CHRM3: variants seen among roughly 807,000 people sequenced by gnomAD.
The protein encoded by CHRM3 is cholinergic receptor muscarinic 3, also known as muscarinic acetylcholine receptor M3.
A neutral mutation model predicts 41.8 loss-of-function variants in CHRM3; 11 were observed. The observed-to-expected ratio is 0.26, with a 90% CI of 0.17 to 0.44. The LOEUF (loss-of-function observed/expected upper bound fraction) is 0.44, where lower values mean the gene tolerates loss of function less well. Ranked by LOEUF, CHRM3 falls within the 20% of genes least tolerant of loss-of-function variation. The probability of loss-of-function intolerance (pLI) is 1.00; values close to 1 mark genes in which losing one functional copy is unlikely to be tolerated. For synonymous variants in CHRM3, 297 were observed against 301.4 expected, an observed-to-expected ratio of 0.99 and a Z score of 0.15; for missense variants, 571 against 745.4, an observed-to-expected ratio of 0.77 and a Z score of 2.72.
rs1268338908 is a variant in CHRM3, at chr1:239,403,889, G to A, written c.-521+16662G>A. 4.2e-5 allele frequency among the ~76,000 whole-genome samples: 6 copies of A among 142,128 alleles called. No individual in the cohort carries two copies. The South Asian group carries it at 1.4e-3, about 34-fold the overall frequency. The allele number at this position is 142,128 out of a possible 152,430, so 93.2% of individuals were successfully genotyped here. ...CATTCTAAACACTGTACCTTAGATAGTACTTCTGCTTGCTAAATTTTAAGA... is the reference window on the plus strand; with the variant it reads ...CATTCTAAACACTGTACCTTAGATAATACTTCTGCTTGCTAAATTTTAAGA... On this transcript the variant is annotated intron_variant, in intron 1 of 6. Coordinates refer to ENST00000676153, the MANE Select transcript of CHRM3 (RefSeq NM_001375978.1).
rs1672534450 is a variant in CHRM3 at position 239,827,306 on chromosome 1, CG to C, written c.-89del. 1.3e-5 allele frequency: 2 copies of C among 152,144 alleles called. No individual in the cohort carries two copies. Among genetic ancestry groups the C allele is most frequent in the African/African-American group, 4.8e-5 (2 of 41,412 alleles). 9.4% of individuals were successfully genotyped at this position (152,144 alleles called of 1,614,324 possible). The stretch of plus-strand genomic sequence containing the variant: ...TCTGGTCCACTCCTCTGTCCTATGC[CG>C]GGATCATCATGACCGTAGAGATTAT... On this transcript the variant is annotated 5_prime_UTR_variant, in exon 6 of 7. An upstream open reading frame in the 5' UTR loses its in-frame stop. Transcript: ENST00000676153.
intron 5 of CHRM3, among the ~76,000 whole-genome samples, chr1:239,680,802 A>G (rs1254501060): frequency 6.6e-6 from 1 of 151,836 alleles, no homozygotes; most frequent in Non-Finnish European, 1.5e-5. Context: ...CCACTAATGA[A>G]TAACATTTTA....
intron 5 of CHRM3, among the ~76,000 whole-genome samples, chr1:239,797,527 T>C (rs569572232): frequency 4.6e-5 from 7 of 152,148 alleles, no homozygotes; most frequent in Non-Finnish European, 7.3e-5. Flanking sequence ...AATGACTTTA[T>C]GTGTTTGATG....
chr1:239,891,579 G>T (rs763652094), intron 6 of CHRM3, among the ~76,000 whole-genome samples: 1 of 152,238 alleles, frequency 6.6e-6, no homozygotes, highest in South Asian at 2.1e-4. Flanking sequence ...TATTTAATAA[G>T]CTATGGGAAG....
intron 2 of CHRM3, among the ~76,000 whole-genome samples, chr1:239,538,577 A>T (rs1442000614): frequency 6.6e-6 from 1 of 152,216 alleles, no homozygotes; most frequent in Non-Finnish European, 1.5e-5. Context: ...TATATATTTT[A>T]AAAATCTACT....
rs148844378 is a variant in CHRM3, at chr1:239,828,866, T to C, written c.-20+1488T>C. Among the ~76,000 whole-genome samples the C allele has an allele frequency of 7.9e-5, 12 of 152,232 alleles. No homozygotes were observed. In the East Asian group the frequency reaches 1.4e-3, roughly 17 times the overall value. ...ATAGCGGATGGGAGGAGATCTAAGA[T>C]GAACAAAGGAAATCACTTCAGAGAC... is the stretch of plus-strand genomic sequence containing the variant. On this transcript the variant is annotated intron_variant, in intron 6 of 6. Transcript: ENST00000676153.
chr1:239,675,390 G>A (rs1019908304), intron 4 of CHRM3, among the ~76,000 whole-genome samples: 2 of 151,998 alleles, frequency 1.3e-5, no homozygotes, highest in South Asian at 2.1e-4. Flanking sequence ...TCTATTTGTT[G>A]CATCCTACCC....
intron 6 of CHRM3, among the ~76,000 whole-genome samples, chr1:239,885,092 T>A (rs1282952014): frequency 6.6e-6 from 1 of 152,110 alleles, no homozygotes; most frequent in Non-Finnish European, 1.5e-5. Flanking sequence ...CTAGAGCTCA[T>A]TGGAGAAATT....
intron 5 of CHRM3, among the ~76,000 whole-genome samples, chr1:239,731,667 A>G (rs1342045731): frequency 6.6e-6 from 1 of 152,006 alleles, no homozygotes; most frequent in East Asian, 1.9e-4. Flanking sequence ...ACTTTCTAGT[A>G]CAAATCTTCC....
At chr1:239,599,571 A>G (rs1202260929) in intron 3 of CHRM3, among the ~76,000 whole-genome samples, 1 of 152,058 alleles carries the variant, frequency 6.6e-6, no homozygotes, top group South Asian at 2.1e-4. Context: ...TGTGTTTCAT[A>G]ACTTAGGGTA....
At chr1:239,582,336 C>G (rs1342327334) in intron 3 of CHRM3, among the ~76,000 whole-genome samples, 7 of 152,084 alleles carry the variant, frequency 4.6e-5, no homozygotes, top group Admixed American at 2.6e-4. Flanking sequence ...AAAAAAGAAT[C>G]TTCTTTATAT....
chr1:239,456,326 T>A (rs1252694556), intron 1 of CHRM3, among the ~76,000 whole-genome samples: 1 of 152,150 alleles, frequency 6.6e-6, no homozygotes, highest in South Asian at 2.1e-4. Flanking sequence ...GGTAAACCGT[T>A]TTTTATCTTT....
chr1:239,666,278 T>C (rs997426634), intron 4 of CHRM3, among the ~76,000 whole-genome samples: 1 of 151,588 alleles, frequency 6.6e-6, no homozygotes, highest in Non-Finnish European at 1.5e-5. Flanking sequence ...CACTGTAACC[T>C]CCATCTCCCA....
intron 5 of CHRM3, among the ~76,000 whole-genome samples, chr1:239,756,927 G>A (rs773369886): frequency 3.3e-5 from 5 of 152,142 alleles, no homozygotes; most frequent in Non-Finnish European, 7.3e-5. Flanking sequence ...GAATTCTGAG[G>A]TGTATGCAAT....
chr1:239,389,648 TAGAC>T (rs1330363536), intron 1 of CHRM3, among the ~76,000 whole-genome samples: 1 of 152,218 alleles, frequency 6.6e-6, no homozygotes, highest in Non-Finnish European at 1.5e-5. Flanking sequence ...GTAAATTGAA[TAGAC>T]AGAAAGTTAA....
intron 6 of CHRM3, among the ~76,000 whole-genome samples, chr1:239,898,849 T>G: frequency 6.6e-6 from 1 of 152,300 alleles, no homozygotes; most frequent in East Asian, 1.9e-4. Context: ...TTTTTAAATT[T>G]TTTAAATTTA....
intron 3 of CHRM3, among the ~76,000 whole-genome samples, chr1:239,603,178 G>A (rs1368491835): frequency 6.6e-6 from 1 of 152,158 alleles, no homozygotes; most frequent in African/African-American, 2.4e-5. Flanking sequence ...TGTTGAGTAT[G>A]TGTCAGTTCC....
intron 5 of CHRM3, among the ~76,000 whole-genome samples, chr1:239,810,822 T>C (rs913317693): frequency 6.6e-6 from 1 of 152,200 alleles, no homozygotes; most frequent in Non-Finnish European, 1.5e-5. Flanking sequence ...TTGTCCTCAT[T>C]TGACCATTCA....
At chr1:239,618,591 T>C (rs746451378) in intron 3 of CHRM3, among the ~76,000 whole-genome samples, 6 of 151,848 alleles carry the variant, frequency 4.0e-5, no homozygotes, top group Admixed American at 2.0e-4. Context: ...ACGCCTGTAA[T>C]CCCAGCACTT....
Sources: allele counts gnomAD v4.1 joint callset (sites outside exome capture counted in the v4.1 genomes callset), GRCh38; gene constraint gnomAD v4.1.1; transcripts MANE v1.5; gene names NCBI Gene and HGNC (gene_info 2026-07-23, HGNC 2026-07-21).